Variants in CCDC38 observed in about 807,000 individuals in gnomAD.
The protein encoded by CCDC38 is coiled-coil domain-containing protein 38.
Under a neutral mutation model 72.8 loss-of-function variants are expected in CCDC38, and 69 were observed. That is an observed-to-expected ratio of 0.95 (90% CI 0.78 to 1.16). The LOEUF is 1.16. CCDC38 is among the 50% of genes most tolerant of loss of function. The pLI is 0.00. For synonymous variants in CCDC38, 201 were observed against 213.2 expected (o/e 0.94, Z 0.50); for missense variants, 626 against 638.9 (o/e 0.98, Z 0.22).
chr12:95,924,681 T>C (rs1214555077), intron 2 of CCDC38, among the ~76,000 whole-genome samples: 1 of 151,438 alleles, frequency 6.6e-6, no homozygotes, highest in Non-Finnish European at 1.5e-5. Context: ...AGGTCTAACG[T>C]TTAAGTCTTT....
At chr12:95,904,817 T>C (rs2079984924) in intron 5 of CCDC38, among the ~76,000 whole-genome samples, 1 of 152,220 alleles carries the variant, frequency 6.6e-6, no homozygotes, top group South Asian at 2.1e-4. Flanking sequence ...ACCCTAAGAC[T>C]GTCAGATGTG....
Position 95,872,404 on chromosome 12 carries a change from A to C in CCDC38, c.1335T>G (p.Ile445Met). Residue 445 changes from isoleucine to methionine, a missense_variant, in exon 14 of 16, where the codon ATT (isoleucine) becomes ATG (methionine). Ile to Met is a conservative substitution (Grantham distance 10). Coordinates refer to ENST00000344280, the MANE Select transcript of CCDC38 (RefSeq NM_182496.3). The stretch of plus-strand genomic sequence containing the variant: ...TGAGGCCGTCATCCTCAGCATCTCC[A>C]ATGCAGACTTTGTATACTTGAGTAA... ...KKITQVYKVCIGDAEDDGLNP... is the reference protein window; with the variant it reads ...KKITQVYKVCMGDAEDDGLNP... The C allele has an allele frequency of 6.2e-7, 1 of 1,614,144 alleles. No homozygotes were observed. The highest frequency in any genetic ancestry group is 8.5e-7 in the Non-Finnish European group (1 of 1,180,006).
At chr12:95,896,170 G>C (rs7135910) in intron 7 of CCDC38, among the ~76,000 whole-genome samples, 1 of 151,632 alleles carries the variant, frequency 6.6e-6, no homozygotes, top group Non-Finnish European at 1.5e-5. Context: ...TACAGACATA[G>C]GCTGATCCTC....
rs541141052 is a variant in CCDC38 at position 95,879,927 on chromosome 12, T to G, written c.991-132A>C. 2 of 589,632 alleles carry G rather than the reference T, an allele frequency of 3.4e-6. No individual in the cohort carries two copies. The highest frequency in any genetic ancestry group is 5.8e-5 in the Admixed American group (2 of 34,584). 36.5% of individuals were successfully genotyped at this position (589,632 alleles called of 1,614,324 possible). On this transcript the variant is annotated intron_variant, in intron 11 of 15. Transcript: ENST00000344280. The surrounding 1 kb of genome is among the most constrained non-coding windows in gnomAD (Gnocchi z 5.5). ...TGAGGGAGACACAGGTAGGAACTTGTATGGGAAACTCGCCTATTTCCAAGT... is the reference window on the plus strand; with the variant it reads ...TGAGGGAGACACAGGTAGGAACTTGGATGGGAAACTCGCCTATTTCCAAGT...
At position 95,921,430 on chromosome 12, in the gene CCDC38, G is replaced by A. The variant is rs373064926; in HGVS notation, c.38-2454C>T. Reference sequence around the variant, plus strand: ...AGTTCTGCATAGCTGGGAAGACCTCGGGAAACTTACAATCATGGTAGAAGG... The same window carrying A: ...AGTTCTGCATAGCTGGGAAGACCTCAGGAAACTTACAATCATGGTAGAAGG... On this transcript the variant is annotated intron_variant, in intron 2 of 15. Transcript: ENST00000344280. Among the ~76,000 whole-genome samples the A allele has an allele frequency of 1.8e-4, 27 of 152,026 alleles. No homozygotes were observed. In the East Asian group the frequency reaches 4.5e-3, roughly 25 times the overall value.
chr12:95,940,831 C>T (rs576746434), intron 1 of CCDC38, among the ~76,000 whole-genome samples: 4 of 151,602 alleles, frequency 2.6e-5, no homozygotes, highest in Admixed American at 6.6e-5. Context: ...TTAGTATGGA[C>T]GCTTCTGTTG....
chr12:95,884,029 C>G (rs2079730002), intron 10 of CCDC38, among the ~76,000 whole-genome samples: 1 of 152,126 alleles, frequency 6.6e-6, no homozygotes, highest in Non-Finnish European at 1.5e-5. Context: ...AGACTGGGAA[C>G]AAGACAAAGA....
At chr12:95,905,291 T>C (rs924609132) in intron 5 of CCDC38, among the ~76,000 whole-genome samples, 1 of 152,134 alleles carries the variant, frequency 6.6e-6, no homozygotes, top group Non-Finnish European at 1.5e-5. Flanking sequence ...AAGTGGACAC[T>C]TCACCAAACT....
intron 5 of CCDC38, among the ~76,000 whole-genome samples, chr12:95,899,511 C>G (rs2079928567): frequency 6.6e-6 from 1 of 152,124 alleles, no homozygotes. Flanking sequence ...GTCAGCCAGG[C>G]TGGTCTCAAA....
chr12:95,907,799 G>T (rs555482618), intron 4 of CCDC38, among the ~76,000 whole-genome samples: 1 of 151,548 alleles, frequency 6.6e-6, no homozygotes, highest in East Asian at 2.0e-4. Flanking sequence ...TCACATCCCG[G>T]ACGGGGCGAC....
chr12:95,867,522 C>G (rs2079534099), intron 15 of CCDC38, among the ~76,000 whole-genome samples: 2 of 152,176 alleles, frequency 1.3e-5, no homozygotes, highest in African/African-American at 2.4e-5. Context: ...CATTTTATTT[C>G]TCAGTAAGTG....
In CCDC38 at chr12:95,942,572, C is replaced by A. The variant is rs2080465109; in HGVS notation, c.-156G>T. On this transcript the variant is annotated 5_prime_UTR_variant, in exon 1 of 16. Transcript: ENST00000344280. ...GGTTCCCGGTCATCTCAGGGACCGT[C>A]TGGTAGCTGATCCCGGAACGCAGCT... 1 of 152,354 alleles carries A rather than the reference C, an allele frequency of 6.6e-6. No individual in the cohort carries two copies. The highest frequency in any genetic ancestry group is 1.5e-5 in the Non-Finnish European group (1 of 68,164). The allele number at this position is 152,354 out of a possible 1,614,324, so 9.4% of individuals were successfully genotyped here.
In CCDC38 at chr12:95,936,334, T is replaced by A. The variant is rs2080393464; in HGVS notation, c.37+139A>T. The A allele has an allele frequency of 2.1e-5, 15 of 723,928 alleles. No homozygotes were observed. The South Asian group carries it at 4.1e-4, about 20-fold the overall frequency. 44.8% of individuals were successfully genotyped at this position (723,928 alleles called of 1,614,324 possible). On this transcript the variant is annotated intron_variant, in intron 2 of 15. Transcript: ENST00000344280. The stretch of plus-strand genomic sequence containing the variant: ...TTTTGAATTAAAAAGTAGAACAGAA[T>A]CTTCTCTGCAGGTAGTTTATAAACT...
In CCDC38 at chr12:95,907,604, A is replaced by G. The variant is rs1278065651; in HGVS notation, c.305-1153T>C. On this transcript the variant is annotated intron_variant, in intron 4 of 15. Transcript: ENST00000344280. ...ACTGACACCCCCACCTCCCTCCCGGACGGGTGGCTGCCGGGCGGAGACGCT... is the reference window on the plus strand; with the variant it reads ...ACTGACACCCCCACCTCCCTCCCGGGCGGGTGGCTGCCGGGCGGAGACGCT... Among the ~76,000 whole-genome samples, 9 of 137,208 alleles carry G rather than the reference A, an allele frequency of 6.6e-5. 1 individual carries two copies. In the East Asian group the frequency reaches 1.7e-3, roughly 27 times the overall value. The allele number at this position is 137,208 out of a possible 152,430, so 90.0% of individuals were successfully genotyped here.
chr12:95,904,369 A>G (rs536556877), intron 5 of CCDC38, among the ~76,000 whole-genome samples: 1 of 152,370 alleles, frequency 6.6e-6, no homozygotes, highest in Admixed American at 6.5e-5. Flanking sequence ...CACTGACCGC[A>G]AGTTTGAGGG....
chr12:95,867,227 G>T lies in CCDC38; in HGVS notation c.1579-38C>A, dbSNP rs568821869. 4.4e-4 allele frequency: 465 copies of T among 1,060,866 alleles called. No individual in the cohort carries two copies. In the Middle Eastern group the frequency reaches 4.7e-3, roughly 11 times the overall value. The allele number at this position is 1,060,866 out of a possible 1,614,324, so 65.7% of individuals were successfully genotyped here. On this transcript the variant is annotated intron_variant, in intron 15 of 15. Coordinates refer to ENST00000344280, the MANE Select transcript of CCDC38 (RefSeq NM_182496.3). ...AAAAACAAAATACTTAATATTTTTT[G>T]AGCATAGCCATTTTCTATTGAAATT...
rs1390024814 is a variant in CCDC38 at position 95,898,374 on chromosome 12, C to T, written c.614+11G>A. The T allele has an allele frequency of 1.2e-6, 2 of 1,613,640 alleles. No homozygotes were observed. The highest frequency in any genetic ancestry group is 2.2e-5 in the East Asian group (1 of 44,890). On this transcript the variant is annotated intron_variant, in intron 7 of 15. Transcript: ENST00000344280. ...GAAATTTGGCCACGAGAAGATTGTG[C>T]CCACCCTCACCTTTTCACTGCTTGT... is the stretch of plus-strand genomic sequence containing the variant.
At chr12:95,869,617 T>C (rs773912329) in intron 14 of CCDC38, 44 bp from the exon 15 acceptor site, 2 of 1,421,770 alleles carry the variant, frequency 1.4e-6, no homozygotes, top group African/African-American at 1.4e-5. Flanking sequence ...ATAAATCACA[T>C]TGAGTAAGAA....
In CCDC38 at chr12:95,918,932, TC is replaced by T. The variant is rs1279527539; in HGVS notation, c.81del (p.Ile28SerfsTer23). Reference protein sequence around the residue: ...DGSTKEDRPYKIFFRDLFLVK... With the variant: ...DGSTKEDRPYXIFFRDLFLVK... ...ACAAGAAAGAGATCTCTGAAAAAGA[TC>T]TTATAAGGCCTGTCCTCTTTGGTTG... On this transcript the variant is annotated frameshift_variant, in exon 3 of 16. Coordinates refer to ENST00000344280, the MANE Select transcript of CCDC38 (RefSeq NM_182496.3). LOFTEE classifies it high-confidence loss of function. 6.2e-7 allele frequency: 1 copy of T among 1,612,738 alleles called. No individual in the cohort carries two copies.
Sources: gnomAD v4.1 joint callset for allele counts (sites outside exome capture counted in the v4.1 genomes callset) on GRCh38, gnomAD v4.1.1 for gene constraint, Gnocchi (gnomAD v3.1) non-coding constraint, MANE v1.5 for transcripts, NCBI Gene and HGNC (gene_info 2026-07-23, HGNC 2026-07-21) for gene names.